PICK1: variants seen among roughly 807,000 people sequenced by gnomAD.
The protein encoded by PICK1 is PRKCA-binding protein.
Under a neutral mutation model 48.9 loss-of-function variants are expected in PICK1, and 23 were observed. That is an observed-to-expected ratio of 0.47 (90% confidence interval 0.34 to 0.67). The LOEUF is 0.67. PICK1 is among the 30% of genes least tolerant of loss of function. The pLI is 0.01. For missense variants in PICK1, 423 were observed against 557.1 expected, an observed-to-expected ratio of 0.76 and a Z score of 2.42; for synonymous variants, 217 against 228.2, an observed-to-expected ratio of 0.95 and a Z score of 0.44.
chr22:38,072,953 G>A, intron 9 of PICK1, 47 bp from the exon 10 acceptor site: 1 of 1,270,496 alleles, frequency 7.9e-7, no homozygotes, highest in Non-Finnish European at 1.2e-6. Flanking sequence ...TGTCACCCTG[G>A]CACACCCCTG....
chr22:38,071,018 G>A (rs1340131895), intron 7 of PICK1, 127 bp downstream of exon 7: 30 of 754,792 alleles, frequency 4.0e-5, no homozygotes, highest in Non-Finnish European at 6.4e-5. Flanking sequence ...TGGGCATTAA[G>A]AGTTCTTAAG....
chr22:38,073,409 T>C lies in PICK1; in HGVS notation c.783+317T>C, dbSNP rs2085750670. Among the ~76,000 whole-genome samples, 1 of 152,190 alleles carries C rather than the reference T, an allele frequency of 6.6e-6. No homozygotes were observed. The highest frequency in any genetic ancestry group is 2.1e-4 in the South Asian group (1 of 4,822). On this transcript the variant is annotated intron_variant, in intron 10 of 12. Coordinates refer to ENST00000356976, the MANE Select transcript of PICK1 (RefSeq NM_012407.4). The surrounding 1 kb of genome is among the most constrained non-coding windows in gnomAD (Gnocchi z 5.7). ...CAGTGAACGTTCGTGAGTTTTACAT[T>C]TAATTATTCTACAGTCAAAGGAATT...
Position 38,074,580 on chromosome 22 carries a change from A to G in PICK1, c.979+129A>G. On this transcript the variant is annotated intron_variant, in intron 12 of 12. Coordinates refer to ENST00000356976, the MANE Select transcript of PICK1 (RefSeq NM_012407.4). This position sits in a 1 kb window ranked among gnomAD's most constrained non-coding sequence, Gnocchi z 4.5. ...CCTCCAGGAGCCCAGCCATCTGCCCAGAGCCTGGCCTGGGTGGAGCTGGCC... is the reference window on the plus strand; with the variant it reads ...CCTCCAGGAGCCCAGCCATCTGCCCGGAGCCTGGCCTGGGTGGAGCTGGCC... 7.5e-7 allele frequency: 1 copy of G among 1,340,350 alleles called. No individual in the cohort carries two copies. Among genetic ancestry groups the G allele is most frequent in the South Asian group, 1.3e-5 (1 of 79,776 alleles). The allele number at this position is 1,340,350 out of a possible 1,614,324, so 83.0% of individuals were successfully genotyped here. A position where few individuals can be genotyped will look rare whatever the true frequency, so the allele number is the denominator to read the frequency against.
chr22:38,058,850 CA>C (rs955007318), intron 2 of PICK1, among the ~76,000 whole-genome samples: 54 of 152,166 alleles, frequency 3.5e-4, no homozygotes, highest in Non-Finnish European at 6.0e-4. Context: ...ACTAAAAATA[CA>C]AAAAAATCAG....
rs768250633 is a variant in PICK1 at position 38,074,892 on chromosome 22, C to T, written c.1008C>T (p.Arg336=). ...AGGACATCGTGTTCCAGCTGCAGCGCCTCGTGTCCACCATGTCCAAGTACT... is the reference window on the plus strand; with the variant it reads ...AGGACATCGTGTTCCAGCTGCAGCGTCTCGTGTCCACCATGTCCAAGTACT... ...HVQDIVFQLQ[R]LVSTMSKYYN... is the part of the protein sequence containing the mutation. The change falls in exon 13 of 13, where the codon CGC becomes CGT. Residue 336 remains arginine, a synonymous_variant. Transcript: ENST00000356976. This position sits in a 1 kb window ranked among gnomAD's most constrained non-coding sequence, Gnocchi z 4.5. 2.5e-6 allele frequency: 4 copies of T among 1,613,230 alleles called. No individual in the cohort carries two copies. The Admixed American group carries it at 5.0e-5, about 20-fold the overall frequency.
chr22:38,074,237 G>A lies in PICK1; in HGVS notation c.835-70G>A, dbSNP rs1317408272. ...GAGGTCTCAGGAATGAAGAACAGCCGTGGCTTTGAAAGCACAGTGCGGTGC... is the reference window on the plus strand; with the variant it reads ...GAGGTCTCAGGAATGAAGAACAGCCATGGCTTTGAAAGCACAGTGCGGTGC... On this transcript the variant is annotated intron_variant, in intron 11 of 12. Coordinates refer to ENST00000356976, the MANE Select transcript of PICK1 (RefSeq NM_012407.4). The surrounding 1 kb of genome is among the most constrained non-coding windows in gnomAD (Gnocchi z 4.5). 5 of 1,558,824 alleles carry A rather than the reference G, an allele frequency of 3.2e-6. No homozygotes were observed. Among genetic ancestry groups the A allele is most frequent in the African/African-American group, 1.4e-5 (1 of 73,912 alleles).
In PICK1 at chr22:38,066,334, C is replaced by T. The variant is rs536876543; in HGVS notation, c.282+1204C>T. On this transcript the variant is annotated intron_variant, in intron 4 of 12. Coordinates refer to ENST00000356976, the MANE Select transcript of PICK1 (RefSeq NM_012407.4). The surrounding 1 kb of genome is among the most constrained non-coding windows in gnomAD (Gnocchi z 4.1). ...GTTGTGTGTGCCCCATTTGGCAGCC[C>T]TTCCCCCCTCCGCATCTCCTCCCCA... 1.3e-5 allele frequency among the ~76,000 whole-genome samples: 2 copies of T among 152,330 alleles called. No individual in the cohort carries two copies. The highest frequency in any genetic ancestry group is 4.1e-4 in the South Asian group (2 of 4,834).
rs961320717 is a variant in PICK1 at position 38,064,119 on chromosome 22, A to G, written c.154-883A>G. Among the ~76,000 whole-genome samples, 5 of 151,950 alleles carry G rather than the reference A, an allele frequency of 3.3e-5. No homozygotes were observed. In the East Asian group the frequency reaches 5.9e-4, roughly 18 times the overall value. On this transcript the variant is annotated intron_variant, in intron 3 of 12. Coordinates refer to ENST00000356976, the MANE Select transcript of PICK1 (RefSeq NM_012407.4). ...GTTGCTCAGGCTGGAGTGCAGTGACATGATCTCGGCTTACTACAACCTCCA... is the reference window on the plus strand; with the variant it reads ...GTTGCTCAGGCTGGAGTGCAGTGACGTGATCTCGGCTTACTACAACCTCCA...
At chr22:38,060,897 C>T (rs980625590) in intron 3 of PICK1, among the ~76,000 whole-genome samples, 4 of 151,944 alleles carry the variant, frequency 2.6e-5, no homozygotes, top group East Asian at 2.0e-4. Context: ...TACAGGTGTG[C>T]GCCATCATGC....
intron 5 of PICK1, among the ~76,000 whole-genome samples, chr22:38,068,629 A>T (rs1234581470): frequency 6.6e-5 from 10 of 152,084 alleles, no homozygotes; most frequent in Admixed American, 6.5e-4. Context: ...GGTGCCCATT[A>T]CTTTCACATA....
At chr22:38,070,699 C>T in intron 6 of PICK1, 139 bp from the exon 7 acceptor site, 2 of 756,476 alleles carry the variant, frequency 2.6e-6, no homozygotes, top group Non-Finnish European at 4.7e-6. Context: ...CCCGAGCTGC[C>T]AAATCCCCCT....
chr22:38,074,163 T>C lies in PICK1; in HGVS notation c.835-144T>C. 1 of 1,019,670 alleles carries C rather than the reference T, an allele frequency of 9.8e-7. No homozygotes were observed. The highest frequency in any genetic ancestry group is 1.6e-5 in the African/African-American group (1 of 63,148). The allele number at this position is 1,019,670 out of a possible 1,614,324, so 63.2% of individuals were successfully genotyped here. A position where few individuals can be genotyped will look rare whatever the true frequency, so the allele number is the denominator to read the frequency against. On this transcript the variant is annotated intron_variant, in intron 11 of 12. Transcript: ENST00000356976. This position sits in a 1 kb window ranked among gnomAD's most constrained non-coding sequence, Gnocchi z 4.5. ...GGTTTGGGTTTGGTTTTTTCCTCTC[T>C]TCAAAGCTATCACTGAGTGCTTCTG...
intron 5 of PICK1, 27 bp from the exon 6 acceptor site, chr22:38,069,004 ACT>A (rs773758489): frequency 2.5e-6 from 4 of 1,587,492 alleles, no homozygotes; most frequent in Non-Finnish European, 3.4e-6. Flanking sequence ...GCAGCCACAG[ACT>A]CACCAGGTCC....
rs373257597 is a variant in PICK1, at chr22:38,073,862, C to T, written c.834+39C>T. 3.1e-6 allele frequency: 5 copies of T among 1,600,024 alleles called. No homozygotes were observed. The highest frequency in any genetic ancestry group is 1.1e-5 in the South Asian group (1 of 90,860). On this transcript the variant is annotated intron_variant, in intron 11 of 12. Transcript: ENST00000356976. This position sits in a 1 kb window ranked among gnomAD's most constrained non-coding sequence, Gnocchi z 5.7. ...GGGGTGGGGGGCTTGTACTTCCCCC[C>T]ACCTGGTCTGCCAGGGATAGCAGGT...
Position 38,075,007 on chromosome 22 carries a change from CAGG to C in PICK1, c.1129_1131del (p.Glu377del), listed in dbSNP as rs768228046. 1.9e-6 allele frequency: 3 copies of C among 1,613,672 alleles called. No homozygotes were observed. Among genetic ancestry groups the C allele is most frequent in the South Asian group, 1.1e-5 (1 of 91,086 alleles). ...CACCACATTGGCCTATGGCCTCAACCAGGAGGAGTTCACAGATGGGGAGGAGGA... is the reference window on the plus strand; with the variant it reads ...CACCACATTGGCCTATGGCCTCAACCAGGAGTTCACAGATGGGGAGGAGGA... On this transcript the variant is annotated inframe_deletion, in exon 13 of 13. Coordinates refer to ENST00000356976, the MANE Select transcript of PICK1 (RefSeq NM_012407.4).
At chr22:38,069,256 G>T (rs946885382) in intron 6 of PICK1, 134 bp downstream of exon 6, 3 of 680,992 alleles carry the variant, frequency 4.4e-6, no homozygotes, top group African/African-American at 3.5e-5. Context: ...GTGGAACTGA[G>T]AAGTCACCAT....
intron 2 of PICK1, among the ~76,000 whole-genome samples, chr22:38,058,878 G>T (rs902054706): frequency 6.6e-6 from 1 of 152,150 alleles, no homozygotes; most frequent in African/African-American, 2.4e-5. Flanking sequence ...GTGGTGGCAG[G>T]CACCTGTAGT....
At chr22:38,071,547 T>C in intron 7 of PICK1, 135 bp from the exon 8 acceptor site, 2 of 820,648 alleles carry the variant, frequency 2.4e-6, no homozygotes, top group Middle Eastern at 2.6e-4. Flanking sequence ...TGGGCTGTGG[T>C]TGGGCGGTGG....
chr22:38,072,748 G>A, intron 9 of PICK1, 138 bp downstream of exon 9: 1 of 1,292,654 alleles, frequency 7.7e-7, no homozygotes, highest in East Asian at 2.3e-5. Flanking sequence ...TGGACTGTGG[G>A]TGAGTCACTG....
Sources: gnomAD v4.1 joint callset for allele counts (sites outside exome capture counted in the v4.1 genomes callset) on GRCh38, gnomAD v4.1.1 for gene constraint, Gnocchi (gnomAD v3.1) non-coding constraint, MANE v1.5 for transcripts, NCBI Gene and HGNC (gene_info 2026-07-23, HGNC 2026-07-21) for gene names.